Variants in GABBR2 observed in about 807,000 individuals in gnomAD.
GABBR2 encodes the protein gamma-aminobutyric acid type B receptor subunit 2, also known as G-protein coupled receptor 51.
Under a neutral mutation model 105.6 loss-of-function variants are expected in GABBR2, and 23 were observed. The observed-to-expected ratio is 0.22, with a 90% confidence interval of 0.16 to 0.31. GABBR2 has a LOEUF of 0.31. GABBR2 is among the 10% of genes least tolerant of loss of function. The probability of loss-of-function intolerance (pLI) is 1.00; values close to 1 mark genes in which losing one functional copy is unlikely to be tolerated. For synonymous variants in GABBR2, 478 were observed against 499.7 expected (o/e 0.96, Z 0.58); for missense variants, 734 against 1,245.5 (o/e 0.59, Z 6.18).
At chr9:98,637,676 A>G (rs1564137616) in intron 1 of GABBR2, among the ~76,000 whole-genome samples, 1 of 152,160 alleles carries the variant, frequency 6.6e-6, no homozygotes. Flanking sequence ...CAAGGGGACC[A>G]TGAGCCAAGA....
intron 2 of GABBR2, among the ~76,000 whole-genome samples, chr9:98,549,458 A>G (rs1828447493): frequency 6.6e-6 from 1 of 152,230 alleles, no homozygotes; most frequent in Non-Finnish European, 1.5e-5. Flanking sequence ...ATTTAGTCTG[A>G]CTTAACCAAA....
intron 10 of GABBR2, among the ~76,000 whole-genome samples, chr9:98,387,793 AAAAT>A (rs200587405): frequency 0.067 from 10,148 of 151,764 alleles, 424 homozygotes; most frequent in Non-Finnish European, 0.092. Context: ...TAAATTAATT[AAAAT>A]AATTAATTAA....
intron 3 of GABBR2, among the ~76,000 whole-genome samples, chr9:98,527,110 TA>T (rs1200368209): frequency 1.5e-5 from 2 of 136,014 alleles, no homozygotes; most frequent in South Asian, 2.8e-4. Context: ...ATATATATTA[TA>T]TATATATATG....
intron 3 of GABBR2, among the ~76,000 whole-genome samples, chr9:98,502,400 G>A (rs1029385279): frequency 6.6e-6 from 1 of 152,174 alleles, no homozygotes; most frequent in Non-Finnish European, 1.5e-5. Flanking sequence ...ATTAAACACA[G>A]AACAGCTGCC....
chr9:98,559,814 C>A (rs1455529801), intron 2 of GABBR2, among the ~76,000 whole-genome samples: 1 of 151,310 alleles, frequency 6.6e-6, no homozygotes, highest in Non-Finnish European at 1.5e-5. Flanking sequence ...ACAGTACATC[C>A]ATACAAAGCA....
intron 1 of GABBR2, among the ~76,000 whole-genome samples, chr9:98,588,672 G>A (rs973053560): frequency 3.3e-5 from 5 of 152,198 alleles, no homozygotes; most frequent in Non-Finnish European, 7.3e-5. Flanking sequence ...TCAGGTTCCA[G>A]AGTCCATGCT....
chr9:98,463,621 CTCTCCG>C (rs1826469665), intron 6 of GABBR2, among the ~76,000 whole-genome samples: 1 of 150,658 alleles, frequency 6.6e-6, no homozygotes, highest in Non-Finnish European at 1.5e-5. Flanking sequence ...CTCGCTCTCG[CTCTCCG>C]TCTCGCTCTC....
At chr9:98,667,935 G>T (rs1343655564) in intron 1 of GABBR2, among the ~76,000 whole-genome samples, 2 of 152,194 alleles carry the variant, frequency 1.3e-5, no homozygotes, top group African/African-American at 4.8e-5. Context: ...ACTGGAACTT[G>T]CCCTCAGTGT....
At chr9:98,535,373 T>TTA (rs1270352016) in intron 3 of GABBR2, among the ~76,000 whole-genome samples, 13 of 152,020 alleles carry the variant, frequency 8.6e-5, no homozygotes, top group African/African-American at 3.1e-4. Context: ...AGTGCTGGGA[T>TTA]TACAGGCATG....
At chr9:98,386,554 A>G (rs1832075800) in intron 10 of GABBR2, among the ~76,000 whole-genome samples, 2 of 152,128 alleles carry the variant, frequency 1.3e-5, no homozygotes, top group South Asian at 4.2e-4. Flanking sequence ...CAGACGCTGC[A>G]TCCTTCTCTG....
At chr9:98,507,228 G>A (rs931563038) in intron 3 of GABBR2, among the ~76,000 whole-genome samples, 8 of 152,140 alleles carry the variant, frequency 5.3e-5, no homozygotes, top group Non-Finnish European at 1.0e-4. Flanking sequence ...GTGGCAAAGG[G>A]GACTTTGCAG....
intron 2 of GABBR2, among the ~76,000 whole-genome samples, chr9:98,577,587 G>T (rs947618723): frequency 2.0e-5 from 3 of 152,230 alleles, no homozygotes; most frequent in African/African-American, 7.2e-5. Context: ...GAAAGGCAGG[G>T]TGTCTGGCAA....
At chr9:98,597,259 T>C (rs916524607) in intron 1 of GABBR2, among the ~76,000 whole-genome samples, 60 of 152,268 alleles carry the variant, frequency 3.9e-4, no homozygotes, top group African/African-American at 1.4e-3. Flanking sequence ...CAACAGAGCA[T>C]ACAGAATTTT....
At chr9:98,583,096 A>C (rs1342204593) in intron 1 of GABBR2, among the ~76,000 whole-genome samples, 1 of 152,236 alleles carries the variant, frequency 6.6e-6, no homozygotes, top group Admixed American at 6.5e-5. Flanking sequence ...CCTCCAGATC[A>C]GAGCTCTTGG....
At chr9:98,349,349 G>GTTTTTTTTTTTT (rs1182072320) in intron 13 of GABBR2, among the ~76,000 whole-genome samples, 3 of 24,216 alleles carry the variant, frequency 1.2e-4, no homozygotes, top group Non-Finnish European at 2.4e-4. Flanking sequence ...TTGAAGTTTT[G>GTTTTTTTTTTTT]TTTTTTTTTT....
At chr9:98,545,119 T>C (rs1267902345) in intron 2 of GABBR2, among the ~76,000 whole-genome samples, 1 of 152,224 alleles carries the variant, frequency 6.6e-6, no homozygotes, top group Non-Finnish European at 1.5e-5. Flanking sequence ...TGGTTGCTAC[T>C]TTACCATTAT....
chr9:98,385,109 G>A (rs1004454495), intron 11 of GABBR2, among the ~76,000 whole-genome samples: 1 of 152,162 alleles, frequency 6.6e-6, no homozygotes, highest in Non-Finnish European at 1.5e-5. Context: ...GACCCTTGGC[G>A]CTGATGCTTT....
intron 1 of GABBR2, among the ~76,000 whole-genome samples, chr9:98,678,316 C>T (rs1423762255): frequency 6.6e-6 from 1 of 152,210 alleles, no homozygotes; most frequent in Non-Finnish European, 1.5e-5. Flanking sequence ...ACACTACCAA[C>T]CACTGCCAGC....
intron 7 of GABBR2, among the ~76,000 whole-genome samples, chr9:98,448,777 G>C (rs1439072808): frequency 3.3e-5 from 5 of 152,158 alleles, no homozygotes; most frequent in African/African-American, 1.2e-4. Context: ...CCTTTTAAAA[G>C]ACAAATCAGA....
Sources: gnomAD v4.1 joint callset for allele counts (sites outside exome capture counted in the v4.1 genomes callset) on GRCh38, gnomAD v4.1.1 for gene constraint, MANE v1.5 for transcripts, NCBI Gene and HGNC (gene_info 2026-07-23, HGNC 2026-07-21) for gene names.